The following SEH1L variants were observed in gnomAD, a reference collection of about 807,000 sequenced individuals.
SEH1L encodes the protein SEH1 like nucleoporin.
Under a neutral mutation model 49.5 loss-of-function variants are expected in SEH1L, and 18 were observed. That is an observed-to-expected ratio of 0.36 (90% CI 0.25 to 0.54). The LOEUF is 0.54. Ranked by LOEUF, SEH1L falls within the 20% of genes least tolerant of loss-of-function variation. SEH1L has a pLI of 0.87. For missense variants in SEH1L, 404 were observed against 528.8 expected, an observed-to-expected ratio of 0.76 and a Z score of 2.31; for synonymous variants, 169 against 178.1, an observed-to-expected ratio of 0.95 and a Z score of 0.41.
chr18:12,949,748 C>T (rs113061602), intron 1 of SEH1L, among the ~76,000 whole-genome samples: 4,591 of 152,148 alleles, frequency 0.03, 245 homozygotes, highest in African/African-American at 0.1. Context: ...CCACCGCGCC[C>T]GGCCCACGTT....
chr18:12,963,110 C>T (rs761172901), intron 3 of SEH1L, 50 bp from the exon 4 acceptor site: 4 of 1,371,752 alleles, frequency 2.9e-6, no homozygotes, highest in Non-Finnish European at 4.0e-6. Context: ...TTCCACTCTA[C>T]CATGCTTTCT....
chr18:12,979,659 C>T (rs2032082621), intron 6 of SEH1L, among the ~76,000 whole-genome samples: 1 of 151,278 alleles, frequency 6.6e-6, no homozygotes, highest in African/African-American at 2.4e-5. Context: ...GCAGAGGCGC[C>T]CCTCACCTCC....
chr18:12,962,459 C>CTTGT (rs2031225734), intron 3 of SEH1L, among the ~76,000 whole-genome samples: 1 of 63,662 alleles, frequency 1.6e-5, no homozygotes, highest in East Asian at 5.8e-4. Context: ...GCATGCCTTT[C>CTTGT]TTTTTTTTTT....
intron 6 of SEH1L, among the ~76,000 whole-genome samples, chr18:12,980,236 C>T (rs1483633431): frequency 1.3e-4 from 17 of 128,138 alleles, no homozygotes; most frequent in African/African-American, 4.3e-4. Flanking sequence ...CCCTCCCGGA[C>T]GGGGCGGCTG....
At chr18:12,949,446 T>TTG (rs1878147982) in intron 1 of SEH1L, among the ~76,000 whole-genome samples, 1 of 105,462 alleles carries the variant, frequency 9.5e-6, no homozygotes, top group Non-Finnish European at 1.9e-5. Flanking sequence ...TTAACCGTTT[T>TTG]TTTTTTTTTT....
intron 2 of SEH1L, among the ~76,000 whole-genome samples, chr18:12,953,500 A>G (rs1477533962): frequency 6.6e-6 from 1 of 152,230 alleles, no homozygotes; most frequent in African/African-American, 2.4e-5. Flanking sequence ...ACTCGATAAT[A>G]TCTGTCTTTT....
At position 12,955,678 on chromosome 18, in the gene SEH1L, T is replaced by C. The variant is rs2145611103; in HGVS notation, c.309+69T>C. 2.0e-6 allele frequency: 3 copies of C among 1,506,322 alleles called. No individual in the cohort carries two copies. The South Asian group carries it at 3.5e-5, about 18-fold the overall frequency. 93.3% of individuals were successfully genotyped at this position (1,506,322 alleles called of 1,614,324 possible). A position where few individuals can be genotyped will look rare whatever the true frequency, so the allele number is the denominator to read the frequency against. On this transcript the variant is annotated intron_variant, in intron 3 of 8. Coordinates refer to ENST00000399892, the MANE Select transcript of SEH1L (RefSeq NM_001013437.2). ...AGCCAAGGAGCATTCATCCGAAGGC[T>C]ACCTCAGATAATTGGTAAAATATCA...
At chr18:12,948,382 C>T (rs2030250294) in intron 1 of SEH1L, 150 bp downstream of exon 1, 5 of 562,352 alleles carry the variant, frequency 8.9e-6, no homozygotes, top group Admixed American at 3.6e-5. Flanking sequence ...GAGCGGAAGC[C>T]CTCCCCGCCC....
chr18:12,982,449 A>ATG (rs2032307680), intron 6 of SEH1L, 69 bp from the exon 7 acceptor site: 11 of 1,081,708 alleles, frequency 1.0e-5, no homozygotes, highest in South Asian at 4.8e-5. Context: ...GTATATATAT[A>ATG]TGTGTGTGTA....
intron 3 of SEH1L, among the ~76,000 whole-genome samples, chr18:12,961,822 A>G (rs992227844): frequency 3.7e-4 from 57 of 152,010 alleles, no homozygotes; most frequent in Admixed American, 3.7e-3. Flanking sequence ...GCCCGCCACA[A>G]TGTCTGGCTA....
intron 5 of SEH1L, chr18:12,976,005 C>T (rs2031901654): frequency 2.7e-6 from 1 of 374,316 alleles, no homozygotes; most frequent in Non-Finnish European, 3.7e-6. Flanking sequence ...GCGTTTGGAA[C>T]ATCCAGGTGG....
At chr18:12,979,304 A>G (rs1169741222) in intron 6 of SEH1L, among the ~76,000 whole-genome samples, 3 of 150,242 alleles carry the variant, frequency 2.0e-5, no homozygotes, top group East Asian at 1.9e-4. Context: ...CATCTGTTTA[A>G]CAAAGCACAT....
chr18:12,967,277 A>G (rs2031492779), intron 4 of SEH1L, among the ~76,000 whole-genome samples: 1 of 152,208 alleles, frequency 6.6e-6, no homozygotes, highest in Non-Finnish European at 1.5e-5. Flanking sequence ...AAGACAACTT[A>G]TATGTTGTTG....
intron 6 of SEH1L, among the ~76,000 whole-genome samples, chr18:12,980,780 C>T (rs1314089014): frequency 1.1e-4 from 6 of 54,736 alleles, no homozygotes; most frequent in Non-Finnish European, 1.3e-4. Flanking sequence ...CGGGCAGAGG[C>T]GCCCCTCACC....
chr18:12,980,592 C>T (rs1399175160), intron 6 of SEH1L, among the ~76,000 whole-genome samples: 3 of 128,028 alleles, frequency 2.3e-5, no homozygotes, highest in Admixed American at 7.5e-5. Flanking sequence ...CCCTCCCGGA[C>T]GGGGCAGCTG....
At chr18:12,955,264 C>A (rs1264579252) in intron 2 of SEH1L, among the ~76,000 whole-genome samples, 199 bp from the exon 3 acceptor site, 2 of 150,712 alleles carry the variant, frequency 1.3e-5, no homozygotes, top group Non-Finnish European at 2.9e-5. Flanking sequence ...AGAATGTCTT[C>A]TAAAGGTTAA....
intron 2 of SEH1L, among the ~76,000 whole-genome samples, chr18:12,952,232 C>CTTT (rs746291412): frequency 4.5e-5 from 6 of 133,470 alleles, no homozygotes; most frequent in African/African-American, 8.3e-5. Flanking sequence ...TAGAAATTTT[C>CTTT]TTTTTTTTTT....
rs184006323 is a variant in SEH1L at position 12,966,381 on chromosome 18, C to T, written c.521+3010C>T. On this transcript the variant is annotated intron_variant, in intron 4 of 8. Coordinates refer to ENST00000399892, the MANE Select transcript of SEH1L (RefSeq NM_001013437.2). Reference sequence around the variant, plus strand: ...TGTTGGGATTACAGGCGTGAGCCACCGCACCCAGCCACCATTTATTATTTA... The same window carrying T: ...TGTTGGGATTACAGGCGTGAGCCACTGCACCCAGCCACCATTTATTATTTA... 4.3e-3 allele frequency among the ~76,000 whole-genome samples: 655 copies of T among 151,340 alleles called. 4 individuals are homozygous for T. The highest frequency in any genetic ancestry group is 0.01 in the Middle Eastern group (3 of 288).
chr18:12,980,616 G>A (rs532716261), intron 6 of SEH1L, among the ~76,000 whole-genome samples: 197 of 127,250 alleles, frequency 1.5e-3, no homozygotes, highest in South Asian at 4.9e-3. Flanking sequence ...GGGCAGAGGG[G>A]CTCCTCTCTT....
Sources: gnomAD v4.1 joint callset for allele counts (sites outside exome capture counted in the v4.1 genomes callset) on GRCh38, gnomAD v4.1.1 for gene constraint, MANE v1.5 for transcripts, NCBI Gene and HGNC (gene_info 2026-07-23, HGNC 2026-07-21) for gene names.